ADGRG6: variants seen among roughly 807,000 people sequenced by gnomAD.
ADGRG6 encodes G-protein coupled receptor 126.
ADGRG6 carries 84 observed loss-of-function variants against 142.4 expected under a neutral mutation model. The observed-to-expected ratio is 0.59, with a 90% CI of 0.49 to 0.71. The LOEUF is 0.71. ADGRG6 is among the 30% of genes least tolerant of loss of function. The pLI is 0.00. For missense variants in ADGRG6, 1,367 were observed against 1,466.6 expected, an observed-to-expected ratio of 0.93 and a Z score of 1.11; for synonymous variants, 521 against 520.5, an observed-to-expected ratio of 1.00 and a Z score of -0.01.
intron 22 of ADGRG6, among the ~76,000 whole-genome samples, chr6:142,436,266 T>C (rs1422878889): frequency 6.6e-6 from 1 of 151,988 alleles, no homozygotes; most frequent in Non-Finnish European, 1.5e-5. Context: ...CTTTTTAGAG[T>C]AAAGCAGAAG....
At chr6:142,432,594 T>C (rs1185071087) in intron 22 of ADGRG6, among the ~76,000 whole-genome samples, 3 of 152,220 alleles carry the variant, frequency 2.0e-5, no homozygotes, top group African/African-American at 7.2e-5. Context: ...ATTGAGTGCC[T>C]GTATATTTAC....
chr6:142,329,306 A>T (rs1203574068), intron 2 of ADGRG6, among the ~76,000 whole-genome samples: 1 of 152,136 alleles, frequency 6.6e-6, no homozygotes, highest in Admixed American at 6.5e-5. Context: ...TATAATCTTC[A>T]TGGCTCATTA....
At chr6:142,311,008 G>A (rs771520059) in intron 2 of ADGRG6, among the ~76,000 whole-genome samples, 6 of 151,722 alleles carry the variant, frequency 4.0e-5, no homozygotes, top group South Asian at 4.1e-4. Context: ...TTGAGACCAC[G>A]GCACCTCCAA....
In ADGRG6 at chr6:142,370,562, A is replaced by G. The variant is rs1781192531; in HGVS notation, c.838A>G (p.Thr280Ala). The stretch of plus-strand genomic sequence containing the variant: ...CTATGAAACAGTTCCATGTGATTCT[A>G]CCATTAGTAAAGTTATTCCTGGGAA... ...RNYETVPCDS[T>A]ISKVIPGNGK... Residue 280 changes from threonine (T) to alanine (A), a missense_variant, in exon 4 of 25, where the codon ACC becomes GCC. Transcript: ENST00000367609. 6.2e-7 allele frequency: 1 copy of G among 1,612,780 alleles called. No individual in the cohort carries two copies. Among genetic ancestry groups the G allele is most frequent in the African/African-American group, 1.3e-5 (1 of 74,878 alleles).
At chr6:142,409,676 AG>A (rs1775984030) in intron 16 of ADGRG6, among the ~76,000 whole-genome samples, 197 bp from the exon 17 acceptor site, 1 of 152,092 alleles carries the variant, frequency 6.6e-6, no homozygotes, top group South Asian at 2.1e-4. Flanking sequence ...ATTCCTTATG[AG>A]GTTAGAGTTG....
chr6:142,419,756 A>G, intron 21 of ADGRG6, 65 bp from the exon 22 acceptor site: 2 of 1,294,164 alleles, frequency 1.5e-6, no homozygotes, highest in East Asian at 2.4e-5. Flanking sequence ...TAAGCTGAGA[A>G]AAGTCTTAGG....
intron 22 of ADGRG6, among the ~76,000 whole-genome samples, chr6:142,429,325 T>C (rs1250898021): frequency 6.6e-6 from 1 of 152,212 alleles, no homozygotes. Context: ...GTTACATAAT[T>C]ACATGTATAA....
intron 2 of ADGRG6, among the ~76,000 whole-genome samples, chr6:142,355,161 T>C (rs1316803730): frequency 1.3e-5 from 2 of 152,198 alleles, no homozygotes; most frequent in Non-Finnish European, 2.9e-5. Flanking sequence ...TATATTTGTA[T>C]CTAAAACTTT....
chr6:142,407,459 T>C (rs1775866193), intron 15 of ADGRG6, among the ~76,000 whole-genome samples: 1 of 152,116 alleles, frequency 6.6e-6, no homozygotes, highest in Non-Finnish European at 1.5e-5. Context: ...TAAGCTATGA[T>C]ATAAAGAGAA....
chr6:142,445,335 A>G lies in ADGRG6; in HGVS notation c.*1820A>G, dbSNP rs1040138483. 7 of 152,210 alleles carry G rather than the reference A, an allele frequency of 4.6e-5. No individual in the cohort carries two copies. The highest frequency in any genetic ancestry group is 1.7e-4 in the African/African-American group (7 of 41,460). The allele number at this position is 152,210 out of a possible 1,614,324, so 9.4% of individuals were successfully genotyped here. ...GCCAAATCCTTTTCAATAGGCATAT[A>G]TTAACAGGCTGCTTATTTTGGCGGA... On this transcript the variant is annotated 3_prime_UTR_variant, in exon 25 of 25. Transcript: ENST00000367609.
intron 10 of ADGRG6, among the ~76,000 whole-genome samples, 196 bp downstream of exon 10, chr6:142,397,951 G>A (rs1775290380): frequency 6.6e-6 from 1 of 152,068 alleles, no homozygotes; most frequent in African/African-American, 2.4e-5. Flanking sequence ...AGGGAATGAA[G>A]GAGGTAGATG....
At chr6:142,417,659 T>C (rs988981792) in intron 21 of ADGRG6, among the ~76,000 whole-genome samples, 4 of 152,166 alleles carry the variant, frequency 2.6e-5, no homozygotes, top group Non-Finnish European at 4.4e-5. Context: ...CATAACACTC[T>C]CACCTCCTCA....
intron 2 of ADGRG6, among the ~76,000 whole-genome samples, chr6:142,313,705 A>G (rs1777880962): frequency 6.6e-6 from 1 of 152,046 alleles, no homozygotes; most frequent in African/African-American, 2.4e-5. Context: ...TTATGTGTTA[A>G]TTTTTCTTAT....
intron 2 of ADGRG6, among the ~76,000 whole-genome samples, chr6:142,366,217 A>C (rs969105415): frequency 3.9e-5 from 6 of 152,200 alleles, no homozygotes; most frequent in African/African-American, 1.4e-4. Context: ...TCCCCTGTCT[A>C]CCTCAGAAGG....
chr6:142,344,503 T>C (rs1002024324), intron 2 of ADGRG6, among the ~76,000 whole-genome samples: 25 of 151,888 alleles, frequency 1.6e-4, no homozygotes, highest in African/African-American at 6.0e-4. Flanking sequence ...AAGAAAACAG[T>C]GTGGATGAAC....
chr6:142,359,137 G>A (rs1780594666), intron 2 of ADGRG6, among the ~76,000 whole-genome samples: 1 of 149,332 alleles, frequency 6.7e-6, no homozygotes, highest in African/African-American at 2.5e-5. Context: ...AGCCCAGGAG[G>A]TTGAGGCTTC....
At chr6:142,414,349 T>A (rs991004040) in intron 18 of ADGRG6, among the ~76,000 whole-genome samples, 6 of 152,122 alleles carry the variant, frequency 3.9e-5, no homozygotes, top group African/African-American at 1.2e-4. Context: ...CTTTCAGTAC[T>A]ATAGGAATAA....
At chr6:142,305,213 C>T (rs1418394448) in intron 1 of ADGRG6, among the ~76,000 whole-genome samples, 5 of 151,910 alleles carry the variant, frequency 3.3e-5, no homozygotes, top group Middle Eastern at 3.4e-3. Context: ...AGGAGAGGGC[C>T]GTGACATGAA....
chr6:142,405,296 C>T (rs1260653983), intron 14 of ADGRG6: 3 of 454,598 alleles, frequency 6.6e-6, no homozygotes, highest in Non-Finnish European at 8.8e-6. Flanking sequence ...AACAAGTTAA[C>T]TTCAGTCTCT....
Sources: gnomAD v4.1 joint callset for allele counts (sites outside exome capture counted in the v4.1 genomes callset) on GRCh38, gnomAD v4.1.1 for gene constraint, MANE v1.5 for transcripts, NCBI Gene and HGNC (gene_info 2026-07-23, HGNC 2026-07-21) for gene names.